The following CYP2J2 variants were observed in gnomAD, a reference collection of about 807,000 sequenced individuals.
The protein encoded by CYP2J2 is cytochrome P450 2J2.
CYP2J2 carries 41 observed loss-of-function variants against 48.8 expected under a neutral mutation model. That is an observed-to-expected ratio of 0.84 (90% CI 0.66 to 1.09). The LOEUF (loss-of-function observed/expected upper bound fraction) is 1.09. Among genes scored for constraint, CYP2J2 ranks in the 50% least tolerant of loss-of-function variants. CYP2J2 has a pLI of 0.00. For missense variants in CYP2J2, 644 were observed against 617.3 expected (o/e 1.04, Z -0.46); for synonymous variants, 221 against 227.1 (o/e 0.97, Z 0.24).
the CYP2J2 span, among the ~76,000 whole-genome samples, chr1:59,953,176 T>G: frequency 6.6e-6 from 1 of 152,134 alleles, no homozygotes; most frequent in Admixed American, 6.5e-5. Context: ...GCCCTTTGTG[T>G]CAGAGCCCAG....
chr1:59,904,820 G>A (rs1324341589), intron 7 of CYP2J2, 51 bp downstream of exon 7: 2 of 1,490,234 alleles, frequency 1.3e-6, no homozygotes, highest in East Asian at 2.3e-5. Context: ...CACTTCTCAA[G>A]TTCAAGTTTC....
the CYP2J2 span, among the ~76,000 whole-genome samples, chr1:59,932,554 T>C: frequency 1.3e-5 from 2 of 152,156 alleles, no homozygotes; most frequent in Non-Finnish European, 2.9e-5. Context: ...AGTTTTTTAC[T>C]AGTAGACATG....
chr1:59,960,194 G>C, the CYP2J2 span, among the ~76,000 whole-genome samples: 1 of 152,090 alleles, frequency 6.6e-6, no homozygotes, highest in Non-Finnish European at 1.5e-5. Flanking sequence ...AGGTGATATA[G>C]GGAAGGGAAA....
chr1:59,919,085 C>G (rs931832046), intron 1 of CYP2J2, among the ~76,000 whole-genome samples: 1 of 152,110 alleles, frequency 6.6e-6, no homozygotes, highest in African/African-American at 2.4e-5. Flanking sequence ...ATTCACACTC[C>G]TACCAGCAGT....
chr1:59,894,411 C>T (rs1644251304), intron 8 of CYP2J2, among the ~76,000 whole-genome samples: 2 of 152,112 alleles, frequency 1.3e-5, no homozygotes, highest in Admixed American at 1.3e-4. Flanking sequence ...GGCCCTTTCC[C>T]TTTGCAGGCA....
the CYP2J2 span, among the ~76,000 whole-genome samples, chr1:59,947,392 C>A: frequency 6.6e-6 from 1 of 152,154 alleles, no homozygotes; most frequent in Admixed American, 6.5e-5. Context: ...AAAGTGCATT[C>A]CCCTTAAGAC....
intron 1 of CYP2J2, among the ~76,000 whole-genome samples, chr1:59,925,003 A>G (rs963597897): frequency 1.3e-5 from 2 of 152,132 alleles, no homozygotes; most frequent in African/African-American, 4.8e-5. Context: ...AGTTGTGGCT[A>G]TATTATATCA....
chr1:59,928,894 G>T (rs1644590365), upstream of CYP2J2, among the ~76,000 whole-genome samples: 1 of 152,226 alleles, frequency 6.6e-6, no homozygotes, highest in African/African-American at 2.4e-5. Context: ...ACAAGAGTTA[G>T]CTAGGAAGAA....
chr1:59,964,382 C>T, the CYP2J2 span, among the ~76,000 whole-genome samples: 154 of 152,264 alleles, frequency 1.0e-3, no homozygotes, highest in Middle Eastern at 3.4e-3. Context: ...CTGCTACTTA[C>T]GTACTCCAGG....
intron 1 of CYP2J2, among the ~76,000 whole-genome samples, chr1:59,920,927 C>T (rs763560903): frequency 2.6e-5 from 4 of 152,030 alleles, no homozygotes; most frequent in Admixed American, 6.5e-5. Flanking sequence ...AGACCATTTT[C>T]CCCTATTAAA....
intron 1 of CYP2J2, among the ~76,000 whole-genome samples, chr1:59,921,648 G>A (rs568928364): frequency 2.7e-5 from 4 of 150,880 alleles, no homozygotes; most frequent in African/African-American, 9.8e-5. Context: ...TGGTCTAACC[G>A]GTTGTCTAGC....
At chr1:59,899,399 G>A (rs1018479237) in intron 8 of CYP2J2, among the ~76,000 whole-genome samples, 5 of 152,188 alleles carry the variant, frequency 3.3e-5, no homozygotes, top group African/African-American at 1.2e-4. Context: ...AATCAGCCCA[G>A]AGACACCTAA....
chr1:59,946,509 C>T, the CYP2J2 span, among the ~76,000 whole-genome samples: 3 of 152,194 alleles, frequency 2.0e-5, no homozygotes, highest in South Asian at 2.1e-4. Context: ...CTGCTCCCCA[C>T]ACTAGAATGT....
chr1:59,927,741 T>C (rs1644580279), upstream of CYP2J2, among the ~76,000 whole-genome samples: 1 of 152,048 alleles, frequency 6.6e-6, no homozygotes, highest in South Asian at 2.1e-4. Context: ...CCCGGCTAAT[T>C]TTTGTATTTT....
In CYP2J2 at chr1:59,909,951, C is replaced by T. The variant is rs1455325452; in HGVS notation, c.694G>A (p.Val232Ile). 64 of 1,601,534 alleles carry T rather than the reference C, an allele frequency of 4.0e-5. No homozygotes were observed. Among genetic ancestry groups the T allele is most frequent in the Non-Finnish European group, 5.2e-5 (61 of 1,176,398 alleles). Residue 232 changes from valine to isoleucine, a missense_variant, in exon 5 of 9, where the codon GTC becomes ATC. Physicochemically the swap from Val to Ile is conservative, Grantham distance 29 (BLOSUM62 3). Transcript: ENST00000371204. The stretch of plus-strand genomic sequence containing the variant: ...AGGAATTTCATTATCCATGGAAAGA[C>T]ATTGTAGAGCTAATTGAGAAAAACA... Reference protein sequence around the residue: ...EASKTCQLYNVFPWIMKFLPG... With the variant: ...EASKTCQLYNIFPWIMKFLPG...
At chr1:59,926,492 CAG>C (rs775913918) in intron 1 of CYP2J2, 43 bp downstream of exon 1, 9 of 1,538,146 alleles carry the variant, frequency 5.9e-6, no homozygotes, top group Non-Finnish European at 1.8e-6. Flanking sequence ...TGCTGCAGAA[CAG>C]AGTTAGGGTC....
At chr1:59,941,192 G>A in the CYP2J2 span, among the ~76,000 whole-genome samples, 16 of 152,236 alleles carry the variant, frequency 1.1e-4, no homozygotes, top group African/African-American at 3.6e-4. Context: ...TCTTCTGCTG[G>A]CCTGGCTTAG....
chr1:59,935,021 T>TATATATAC, the CYP2J2 span, among the ~76,000 whole-genome samples: 1 of 48,146 alleles, frequency 2.1e-5, no homozygotes, highest in Non-Finnish European at 4.4e-5. Flanking sequence ...TATACATATA[T>TATATATAC]ATATATATAT....
intron 2 of CYP2J2, among the ~76,000 whole-genome samples, chr1:59,915,049 G>A (rs1330987550): frequency 2.0e-5 from 3 of 152,228 alleles, no homozygotes; most frequent in Non-Finnish European, 4.4e-5. Context: ...CTACGTGCAT[G>A]TCCAGGCATA....
Sources: allele counts gnomAD v4.1 joint callset (sites outside exome capture counted in the v4.1 genomes callset), GRCh38; gene constraint gnomAD v4.1.1; transcripts MANE v1.5; gene names NCBI Gene and HGNC (gene_info 2026-07-23, HGNC 2026-07-21).